COPS7B: variants seen among roughly 807,000 people sequenced by gnomAD.
The protein encoded by COPS7B is COP9 signalosome subunit 7B.
In COPS7B, 9 loss-of-function variants were observed where a neutral mutation model predicts 33.4. That is an observed-to-expected ratio of 0.27 (90% CI 0.16 to 0.47). COPS7B has a LOEUF of 0.47. COPS7B is among the 20% of genes least tolerant of loss of function. The pLI, the probability that COPS7B is intolerant of heterozygous loss-of-function variation, is 0.99. For missense variants in COPS7B, 242 were observed against 318.2 expected (o/e 0.76, Z 1.82); for synonymous variants, 119 against 126.3 (o/e 0.94, Z 0.39).
At chr2:231,801,290 C>T in intron 6 of COPS7B, 1 of 1,533,696 alleles carries the variant, frequency 6.5e-7, no homozygotes, top group Non-Finnish European at 8.8e-7. Flanking sequence ...TCCATTTAGG[C>T]TTTTGTGGAA....
intron 3 of COPS7B, chr2:231,792,030 A>G: frequency 1.5e-6 from 1 of 673,446 alleles, no homozygotes; most frequent in Non-Finnish European, 2.8e-6. Flanking sequence ...TCATCCACAA[A>G]TGTAGCCCTT....
upstream of COPS7B, chr2:231,785,991 C>T (rs746729072): frequency 6.6e-6 from 1 of 152,148 alleles, no homozygotes; most frequent in Non-Finnish European, 1.5e-5. Context: ...GTTAACTCAC[C>T]TGAAAAATGG....
chr2:231,808,419 A>G lies in COPS7B; in HGVS notation c.*774A>G. ...CTACTCAGCCTTGTTTTCGGTGTGT[A>G]GGCCCCAGCTGCCCACTGGAACTGC... On this transcript the variant is annotated 3_prime_UTR_variant, in exon 7 of 7. Coordinates refer to ENST00000350033, the MANE Select transcript of COPS7B (RefSeq NM_022730.4). 2.1e-6 allele frequency: 1 copy of G among 471,302 alleles called. No individual in the cohort carries two copies. The highest frequency in any genetic ancestry group is 1.5e-5 in the South Asian group (1 of 64,524). The allele number at this position is 471,302 out of a possible 1,614,324, so 29.2% of individuals were successfully genotyped here. A position where few individuals can be genotyped will look rare whatever the true frequency, so the allele number is the denominator to read the frequency against.
At chr2:231,791,997 G>A in intron 3 of COPS7B, 189 bp downstream of exon 3, 1 of 694,374 alleles carries the variant, frequency 1.4e-6, no homozygotes, top group South Asian at 1.5e-5. Context: ...TATTCTAGTG[G>A]GTCAAATGGG....
intron 5 of COPS7B, among the ~76,000 whole-genome samples, chr2:231,796,633 C>G (rs2049578881): frequency 6.6e-6 from 1 of 152,198 alleles, no homozygotes; most frequent in African/African-American, 2.4e-5. Flanking sequence ...CCTGCCCTTT[C>G]CAAACTCACG....
chr2:231,803,472 ATTTC>A (rs975850626), intron 6 of COPS7B, among the ~76,000 whole-genome samples: 2 of 152,124 alleles, frequency 1.3e-5, no homozygotes, highest in African/African-American at 4.8e-5. Flanking sequence ...GCCAAGTCTT[ATTTC>A]TTTTTATTGC....
At chr2:231,791,636 A>G in intron 2 of COPS7B, 97 bp from the exon 3 acceptor site, 1 of 993,340 alleles carries the variant, frequency 1.0e-6, no homozygotes, top group Admixed American at 1.8e-5. Flanking sequence ...ATAAACAGCC[A>G]TGGCATCTTT....
chr2:231,800,816 G>A (rs1159418987), intron 6 of COPS7B, among the ~76,000 whole-genome samples: 6 of 152,226 alleles, frequency 3.9e-5, no homozygotes, highest in South Asian at 2.1e-4. Context: ...GTCCATTGAC[G>A]TAATAATCTT....
chr2:231,785,262 G>A (rs1357518862), upstream of COPS7B, among the ~76,000 whole-genome samples: 1 of 152,196 alleles, frequency 6.6e-6, no homozygotes, highest in Non-Finnish European at 1.5e-5. Flanking sequence ...AAAAGCCTAA[G>A]TAATTCCCCA....
chr2:231,796,950 G>T (rs1191391208), intron 5 of COPS7B, among the ~76,000 whole-genome samples: 3 of 152,202 alleles, frequency 2.0e-5, no homozygotes, highest in East Asian at 3.8e-4. Context: ...TTTGATATTT[G>T]TAAGAGCTGT....
intron 5 of COPS7B, 139 bp from the exon 6 acceptor site, chr2:231,798,720 G>T: frequency 1.5e-6 from 1 of 653,576 alleles, no homozygotes; most frequent in Non-Finnish European, 2.7e-6. Flanking sequence ...GGAGTGAACG[G>T]GCAAGAGATG....
At chr2:231,801,076 T>A in intron 6 of COPS7B, 2 of 1,432,226 alleles carry the variant, frequency 1.4e-6, no homozygotes, top group Non-Finnish European at 1.9e-6. Context: ...ACCCTTGGCC[T>A]AACTTTTAAA....
intron 1 of COPS7B, 72 bp downstream of exon 1, chr2:231,786,610 C>T (rs1211994589): frequency 3.2e-5 from 25 of 785,430 alleles, no homozygotes; most frequent in Non-Finnish European, 3.7e-5. Context: ...CGGCTTAGAG[C>T]CCGCCGCCAA....
At chr2:231,798,387 G>A (rs2106332442) in intron 5 of COPS7B, among the ~76,000 whole-genome samples, 1 of 151,162 alleles carries the variant, frequency 6.6e-6, no homozygotes, top group South Asian at 2.1e-4. Context: ...CTCCCAAGTA[G>A]CTGGGATTAC....
intron 1 of COPS7B, 67 bp from the exon 2 acceptor site, chr2:231,788,488 G>A: frequency 2.1e-6 from 3 of 1,436,336 alleles, no homozygotes; most frequent in Non-Finnish European, 2.9e-6. Flanking sequence ...GTTTGATTCA[G>A]CACTGAATAG....
At chr2:231,792,207 A>C (rs2049437575) in intron 3 of COPS7B, 3 of 425,672 alleles carry the variant, frequency 7.0e-6, no homozygotes, top group South Asian at 5.3e-5. Flanking sequence ...AAAGTCACTC[A>C]TAGGCTGGGC....
chr2:231,788,280 G>T (rs2049310929), intron 1 of COPS7B, among the ~76,000 whole-genome samples: 1 of 152,014 alleles, frequency 6.6e-6, no homozygotes, highest in South Asian at 2.1e-4. Context: ...GGGACTACAG[G>T]TATCTGCCAC....
chr2:231,799,843 C>G (rs1219866025), intron 6 of COPS7B, among the ~76,000 whole-genome samples: 1 of 152,104 alleles, frequency 6.6e-6, no homozygotes, highest in African/African-American at 2.4e-5. Flanking sequence ...TGGTGCCTTT[C>G]AAAGGGGGAT....
intron 4 of COPS7B, among the ~76,000 whole-genome samples, chr2:231,795,656 A>T (rs1162946200): frequency 6.6e-6 from 1 of 152,230 alleles, no homozygotes. Flanking sequence ...ATAGGTAGAT[A>T]TGCTGGCCTG....
Sources: gnomAD v4.1 joint callset for allele counts (sites outside exome capture counted in the v4.1 genomes callset) on GRCh38, gnomAD v4.1.1 for gene constraint, MANE v1.5 for transcripts, NCBI Gene and HGNC (gene_info 2026-07-23, HGNC 2026-07-21) for gene names.